The following FLRT2 variants were observed in gnomAD, a reference collection of about 807,000 sequenced individuals.
FLRT2 encodes leucine-rich repeat transmembrane protein FLRT2.
FLRT2 carries 15 observed loss-of-function variants against 40.0 expected under a neutral mutation model. That is an observed-to-expected ratio of 0.38 (90% confidence interval 0.25 to 0.58). The LOEUF (loss-of-function observed/expected upper bound fraction) is 0.58. Among genes scored for constraint, FLRT2 ranks in the 20% least tolerant of loss-of-function variants. The pLI is 0.71. For synonymous variants in FLRT2, 380 were observed against 336.8 expected, an observed-to-expected ratio of 1.13 and a Z score of -1.41; for missense variants, 726 against 840.0, an observed-to-expected ratio of 0.86 and a Z score of 1.68.
chr14:85,604,230 C>T (rs185820545), intron 1 of FLRT2, among the ~76,000 whole-genome samples: 132 of 152,228 alleles, frequency 8.7e-4, no homozygotes, highest in Non-Finnish European at 3.2e-4. Context: ...GGTGGCATGA[C>T]GCCTAGGAAA....
At chr14:85,559,517 A>G (rs1303687269) in intron 1 of FLRT2, 1 of 152,234 alleles carries the variant, frequency 6.6e-6, no homozygotes, top group Middle Eastern at 3.2e-3. Context: ...CTTACTGCCC[A>G]GAGGAAAGAG....
chr14:85,617,285 A>C (rs777915362), intron 1 of FLRT2, among the ~76,000 whole-genome samples: 24 of 152,346 alleles, frequency 1.6e-4, no homozygotes, highest in Middle Eastern at 3.4e-3. Context: ...TAACAATTAC[A>C]TAGAGAACAA....
intron 1 of FLRT2, among the ~76,000 whole-genome samples, chr14:85,611,816 CT>C: frequency 6.6e-6 from 1 of 151,930 alleles, no homozygotes; most frequent in South Asian, 2.1e-4. Context: ...AAGATTGGAA[CT>C]TTTTTCTGGA....
chr14:85,537,017 A>G (rs1955406), intron 1 of FLRT2, among the ~76,000 whole-genome samples: 145,923 of 152,268 alleles, frequency 0.96, 69,966 homozygotes, highest in Middle Eastern at 0.99. Context: ...GACGAGCTCA[A>G]AATATGTATG....
At position 85,623,189 on chromosome 14, in the gene FLRT2, C is replaced by T; in HGVS notation, c.1675C>T (p.Leu559Phe). ...GAVIFVLVVLLSVFCWHMHKK... is the reference protein window; with the variant it reads ...GAVIFVLVVLFSVFCWHMHKK... The stretch of plus-strand genomic sequence containing the variant: ...GGTGATATTTGTGCTGGTGGTCTTG[C>T]TCAGCGTCTTTTGCTGGCATATGCA... The change falls in exon 2 of 2, where the codon CTC becomes TTC. Residue 559 changes from leucine (L) to phenylalanine (F), a missense_variant. Transcript: ENST00000330753. 1.9e-6 allele frequency: 3 copies of T among 1,551,354 alleles called. No individual in the cohort carries two copies. Among genetic ancestry groups the T allele is most frequent in the Non-Finnish European group, 2.6e-6 (3 of 1,149,412 alleles).
At chr14:85,533,135 G>T (rs1463548118) in intron 1 of FLRT2, among the ~76,000 whole-genome samples, 1 of 152,196 alleles carries the variant, frequency 6.6e-6, no homozygotes, top group Non-Finnish European at 1.5e-5. Flanking sequence ...AAGTAGGAGG[G>T]ACTCCGGGAG....
At chr14:85,612,272 A>G (rs1892924403) in intron 1 of FLRT2, among the ~76,000 whole-genome samples, 1 of 152,142 alleles carries the variant, frequency 6.6e-6, no homozygotes, top group South Asian at 2.1e-4. Context: ...CTGGTTGTGT[A>G]TAAACCTGTA....
At chr14:85,573,283 C>G (rs116874812) in intron 1 of FLRT2, among the ~76,000 whole-genome samples, 1 of 152,084 alleles carries the variant, frequency 6.6e-6, no homozygotes, top group Non-Finnish European at 1.5e-5. Context: ...TCACACATCA[C>G]ACATATCACA....
rs184771988 is a variant in FLRT2 at position 85,635,179 on chromosome 14, T to C, written c.*11682T>C. The C allele has an allele frequency of 6.6e-6, 1 of 152,304 alleles. No homozygotes were observed. Among genetic ancestry groups the C allele is most frequent in the African/African-American group, 2.4e-5 (1 of 41,584 alleles). The allele number at this position is 152,304 out of a possible 1,614,324, so 9.4% of individuals were successfully genotyped here. On this transcript the variant is annotated 3_prime_UTR_variant, in exon 2 of 2. Coordinates refer to ENST00000330753, the MANE Select transcript of FLRT2 (RefSeq NM_013231.6). ...CAGGAGCTACAGAATCACAAAGAAC[T>C]GTGACTTTGTATCTGTGTGATATTA...
intron 1 of FLRT2, among the ~76,000 whole-genome samples, chr14:85,592,146 AT>A (rs764433556): frequency 4.0e-5 from 6 of 150,590 alleles, no homozygotes; most frequent in South Asian, 2.1e-4. Context: ...AACAAAAAAA[AT>A]ATTTTATAAG....
At chr14:85,591,942 A>G (rs1891903727) in intron 1 of FLRT2, among the ~76,000 whole-genome samples, 1 of 152,224 alleles carries the variant, frequency 6.6e-6, no homozygotes, top group African/African-American at 2.4e-5. Context: ...ATAGAATGCT[A>G]TATAATTTTA....
Position 85,629,939 on chromosome 14 carries a change from T to G in FLRT2, c.*6442T>G, listed in dbSNP as rs1192106528. ...GAAGGTTTCAGATGGAATCAAGATA[T>G]GTCTGTACCCATAGGGTGAGCTGAA... On this transcript the variant is annotated 3_prime_UTR_variant, in exon 2 of 2. Coordinates refer to ENST00000330753, the MANE Select transcript of FLRT2 (RefSeq NM_013231.6). 2 of 152,328 alleles carry G rather than the reference T, an allele frequency of 1.3e-5. No homozygotes were observed. The highest frequency in any genetic ancestry group is 2.1e-4 in the South Asian group (1 of 4,834). The allele number at this position is 152,328 out of a possible 1,614,324, so 9.4% of individuals were successfully genotyped here.
At position 85,647,356 on chromosome 14, in the gene FLRT2, A is replaced by G. The variant is rs1228717978; in HGVS notation, c.*23859A>G. The G allele has an allele frequency of 6.6e-6, 1 of 152,186 alleles. No individual in the cohort carries two copies. Among genetic ancestry groups the G allele is most frequent in the African/African-American group, 2.4e-5 (1 of 41,448 alleles). The allele number at this position is 152,186 out of a possible 1,614,324, so 9.4% of individuals were successfully genotyped here. A position where few individuals can be genotyped will look rare whatever the true frequency, so the allele number is the denominator to read the frequency against. Reference sequence around the variant, plus strand: ...ATTGAATGTTGCCCAGCAATATAATATATGTAAATCATACCAAATTATATG... The same window carrying G: ...ATTGAATGTTGCCCAGCAATATAATGTATGTAAATCATACCAAATTATATG... On this transcript the variant is annotated 3_prime_UTR_variant, in exon 2 of 2. Coordinates refer to ENST00000330753, the MANE Select transcript of FLRT2 (RefSeq NM_013231.6).
intron 1 of FLRT2, among the ~76,000 whole-genome samples, chr14:85,593,077 T>A (rs1174753964): frequency 1.3e-5 from 2 of 152,220 alleles, no homozygotes; most frequent in Non-Finnish European, 2.9e-5. Context: ...CATTTGGATA[T>A]GGGTAACATT....
At chr14:85,538,023 T>A (rs1888772508) in intron 1 of FLRT2, among the ~76,000 whole-genome samples, 1 of 152,144 alleles carries the variant, frequency 6.6e-6, no homozygotes, top group Non-Finnish European at 1.5e-5. Flanking sequence ...AAAAGTTCTG[T>A]AAAACATCTT....
chr14:85,533,853 G>T (rs1056378961), intron 1 of FLRT2, among the ~76,000 whole-genome samples: 3 of 151,720 alleles, frequency 2.0e-5, no homozygotes, highest in Admixed American at 6.6e-5. Context: ...CGCTGCGGGC[G>T]ACAGGGCTTG....
At chr14:85,556,016 A>G (rs1889937401) in intron 1 of FLRT2, among the ~76,000 whole-genome samples, 1 of 152,246 alleles carries the variant, frequency 6.6e-6, no homozygotes, top group Non-Finnish European at 1.5e-5. Context: ...AGTATAGTAC[A>G]GACGGAAGGC....
At chr14:85,546,012 C>T (rs1355094615) in intron 1 of FLRT2, among the ~76,000 whole-genome samples, 4 of 152,094 alleles carry the variant, frequency 2.6e-5, no homozygotes, top group African/African-American at 7.2e-5. Flanking sequence ...ATTGCTCAGG[C>T]GGTAAGCTTT....
intron 1 of FLRT2, among the ~76,000 whole-genome samples, chr14:85,612,165 T>C (rs1462566590): frequency 6.6e-6 from 1 of 150,816 alleles, no homozygotes; most frequent in Non-Finnish European, 1.5e-5. Context: ...AAAAACACAG[T>C]TAAGTGGTTG....
Sources: allele counts gnomAD v4.1 joint callset (sites outside exome capture counted in the v4.1 genomes callset), GRCh38; gene constraint gnomAD v4.1.1; transcripts MANE v1.5; gene names NCBI Gene and HGNC (gene_info 2026-07-23, HGNC 2026-07-21).